PCED1B: variants seen among roughly 807,000 people sequenced by gnomAD.
PCED1B encodes the protein PC-esterase domain-containing protein 1B.
For synonymous variants in PCED1B, 251 were observed against 246.1 expected, an observed-to-expected ratio of 1.02 and a Z score of -0.19; for missense variants, 573 against 573.9, an observed-to-expected ratio of 1.00 and a Z score of 0.02.
chr12:47,133,912 T>G (rs893965430), intron 2 of PCED1B, among the ~76,000 whole-genome samples: 10 of 152,176 alleles, frequency 6.6e-5, no homozygotes, highest in Non-Finnish European at 1.5e-4. Flanking sequence ...GGGAGCTCTC[T>G]CCCTCTCTTT....
chr12:47,128,251 T>G (rs1939977586), intron 2 of PCED1B, among the ~76,000 whole-genome samples: 1 of 152,152 alleles, frequency 6.6e-6, no homozygotes, highest in South Asian at 2.1e-4. Flanking sequence ...TTTTTTCAGT[T>G]GTAGAAATGA....
chr12:47,105,447 G>T (rs1018650310), intron 2 of PCED1B, among the ~76,000 whole-genome samples: 1 of 152,136 alleles, frequency 6.6e-6, no homozygotes, highest in Non-Finnish European at 1.5e-5. Context: ...GATGGTGAAG[G>T]GTGGAAGCAG....
chr12:47,131,574 T>TG (rs1165129104), intron 2 of PCED1B, among the ~76,000 whole-genome samples: 3 of 152,106 alleles, frequency 2.0e-5, no homozygotes, highest in Non-Finnish European at 4.4e-5. Context: ...GGAGAAAGGT[T>TG]GGAAGGAGCA....
chr12:47,202,860 G>A (rs908909584), intron 2 of PCED1B, among the ~76,000 whole-genome samples: 4 of 151,866 alleles, frequency 2.6e-5, no homozygotes, highest in African/African-American at 9.7e-5. Context: ...CAGTTTGCCA[G>A]AATCCTCACT....
In PCED1B at chr12:47,114,657, G is replaced by A. The variant is rs562861243; in HGVS notation, c.-526+10462G>A. Among the ~76,000 whole-genome samples, 5 of 152,308 alleles carry A rather than the reference G, an allele frequency of 3.3e-5. No homozygotes were observed. In the South Asian group the frequency reaches 1.0e-3, roughly 32 times the overall value. ...AGAGCTTTCTTAAGATAAAGCAGAT[G>A]TTCCTAGCCCAGAAGCCTTGAGGTT... On this transcript the variant is annotated intron_variant, in intron 2 of 3. Transcript: ENST00000546455.
intron 1 of PCED1B, among the ~76,000 whole-genome samples, chr12:47,081,369 C>T (rs1198889320): frequency 6.6e-6 from 1 of 152,136 alleles, no homozygotes; most frequent in East Asian, 1.9e-4. Context: ...CTACATGGTC[C>T]GTGAGTCATT....
rs59856338 is a variant in PCED1B at position 47,160,293 on chromosome 12, C to CTTTTTTTTTTTT, written c.-525-55916_-525-55905dup. On this transcript the variant is annotated intron_variant, in intron 2 of 3. Transcript: ENST00000546455. ...TTTCTTTCTTTTTCTTTTTCTTTTT[C>CTTTTTTTTTTTT]TTTTTTTTTTTTTTTTTTTTTTTTG... is the stretch of plus-strand genomic sequence containing the variant. Among the ~76,000 whole-genome samples, 388 of 69,248 alleles carry CTTTTTTTTTTTT rather than the reference C, an allele frequency of 5.6e-3. 2 individuals carry two copies. The highest frequency in any genetic ancestry group is 5.9e-3 in the Non-Finnish European group (236 of 39,736). 45.4% of individuals were successfully genotyped at this position (69,248 alleles called of 152,430 possible).
intron 2 of PCED1B, among the ~76,000 whole-genome samples, chr12:47,207,497 C>A (rs1942947714): frequency 6.6e-6 from 1 of 152,242 alleles, no homozygotes; most frequent in Non-Finnish European, 1.5e-5. Context: ...TCTTTCTCTC[C>A]TGATAGGACA....
rs144198016 is a variant in PCED1B at position 47,178,900 on chromosome 12, T to A, written c.-525-37322T>A. Among the ~76,000 whole-genome samples, 356 of 150,948 alleles carry A rather than the reference T, an allele frequency of 2.4e-3. 1 individual carries two copies. The highest frequency in any genetic ancestry group is 7.5e-3 in the African/African-American group (308 of 41,144). On this transcript the variant is annotated intron_variant, in intron 2 of 3. Transcript: ENST00000546455. ...AAAAAAAAAGAAAAGAAAATTGGGA[T>A]GAGACTCCAAATGTACCAGTGTCAT...
At chr12:47,188,562 G>A (rs10881067) in intron 2 of PCED1B, among the ~76,000 whole-genome samples, 2 of 152,054 alleles carry the variant, frequency 1.3e-5, no homozygotes, top group African/African-American at 2.4e-5. Context: ...GTTTCAGGAC[G>A]ATACTGCTTC....
At chr12:47,088,630 C>A (rs922615573) in intron 1 of PCED1B, among the ~76,000 whole-genome samples, 1 of 152,180 alleles carries the variant, frequency 6.6e-6, no homozygotes, top group Non-Finnish European at 1.5e-5. Context: ...GCAGTTTTGA[C>A]ATGCTGCTAC....
intron 1 of PCED1B, among the ~76,000 whole-genome samples, chr12:47,080,354 G>A (rs1941971181): frequency 6.6e-6 from 1 of 152,164 alleles, no homozygotes; most frequent in African/African-American, 2.4e-5. Flanking sequence ...TCCCCACCCA[G>A]GCCAAGGAAT....
chr12:47,098,848 A>C (rs1390274802), intron 1 of PCED1B, among the ~76,000 whole-genome samples: 1 of 152,168 alleles, frequency 6.6e-6, no homozygotes, highest in African/African-American at 2.4e-5. Context: ...AGAAAGAAAG[A>C]GTGGGAGACT....
At chr12:47,192,786 G>T (rs942863933) in intron 2 of PCED1B, among the ~76,000 whole-genome samples, 1 of 152,112 alleles carries the variant, frequency 6.6e-6, no homozygotes, top group African/African-American at 2.4e-5. Context: ...GATTTTTCAT[G>T]CATTATTTCA....
At chr12:47,123,522 A>C (rs1358942181) in intron 2 of PCED1B, among the ~76,000 whole-genome samples, 2 of 152,256 alleles carry the variant, frequency 1.3e-5, no homozygotes, top group East Asian at 3.9e-4. Flanking sequence ...GTTTCATAGA[A>C]TCAACAAAAC....
At chr12:47,123,001 T>C (rs1939742545) in intron 2 of PCED1B, among the ~76,000 whole-genome samples, 1 of 152,172 alleles carries the variant, frequency 6.6e-6, no homozygotes, top group Non-Finnish European at 1.5e-5. Context: ...AAGCGTACCA[T>C]AGGGTAAGAA....
rs564420538 is a variant in PCED1B, at chr12:47,093,256, A to C, written c.-608-10857A>C. ...TTTGTTTATTTCATCCAAATTGTCAAATTTATCAGCATAAATTTGTTTTAA... is the reference window on the plus strand; with the variant it reads ...TTTGTTTATTTCATCCAAATTGTCACATTTATCAGCATAAATTTGTTTTAA... On this transcript the variant is annotated intron_variant, in intron 1 of 3. Coordinates refer to ENST00000546455, the MANE Select transcript of PCED1B (RefSeq NM_138371.3). 3.6e-4 allele frequency among the ~76,000 whole-genome samples: 54 copies of C among 152,042 alleles called. No individual in the cohort carries two copies. The South Asian group carries it at 0.011, about 32-fold the overall frequency.
chr12:47,117,298 T>G (rs1276432026), intron 2 of PCED1B, among the ~76,000 whole-genome samples: 1 of 152,152 alleles, frequency 6.6e-6, no homozygotes, highest in Admixed American at 6.5e-5. Flanking sequence ...GCTGCACCCA[T>G]TAACTCGTCA....
In PCED1B at chr12:47,091,184, C is replaced by T. The variant is rs532667617; in HGVS notation, c.-609+11459C>T. ...GTATATGATAATTCTTATTCCTTCA[C>T]GTCCTTGTCAACACTTATTATTTTC... On this transcript the variant is annotated intron_variant, in intron 1 of 3. Transcript: ENST00000546455. 1.2e-4 allele frequency among the ~76,000 whole-genome samples: 18 copies of T among 152,232 alleles called. No homozygotes were observed. In the South Asian group the frequency reaches 1.7e-3, roughly 14 times the overall value.
Sources: allele counts gnomAD v4.1 joint callset (sites outside exome capture counted in the v4.1 genomes callset), GRCh38; gene constraint gnomAD v4.1.1; transcripts MANE v1.5; gene names NCBI Gene and HGNC (gene_info 2026-07-23, HGNC 2026-07-21).